OSBPL10: variants seen among roughly 807,000 people sequenced by gnomAD.
The protein encoded by OSBPL10 is oxysterol-binding protein-related protein 10.
A neutral mutation model predicts 81.7 loss-of-function variants in OSBPL10; 49 were observed. That is an observed-to-expected ratio of 0.60 (90% CI 0.48 to 0.76). The LOEUF (loss-of-function observed/expected upper bound fraction) is 0.76. OSBPL10 is among the 30% of genes least tolerant of loss of function. OSBPL10 has a pLI of 0.00. For missense variants in OSBPL10, 923 were observed against 987.8 expected, an observed-to-expected ratio of 0.93 and a Z score of 0.88; for synonymous variants, 419 against 383.6, an observed-to-expected ratio of 1.09 and a Z score of -1.08.
At position 32,062,012 on chromosome 3, in the gene OSBPL10, G is replaced by A. The variant is rs913607938; in HGVS notation, n.185+15384C>T. Among the ~76,000 whole-genome samples, 16 of 93,588 alleles carry A rather than the reference G, an allele frequency of 1.7e-4. 4 individuals are homozygous for A. Among genetic ancestry groups the A allele is most frequent in the African/African-American group, 4.4e-4 (16 of 36,278 alleles). 61.4% of individuals were successfully genotyped at this position (93,588 alleles called of 152,430 possible). On this transcript the variant is annotated intron_variant and non_coding_transcript_variant, in intron 1 of 3. Transcript: ENST00000479173. ...ATGGTTGGTTGAATATGCAGATGCAGTATCAACGGACATGGAGACCCAACT... is the reference window on the plus strand; with the variant it reads ...ATGGTTGGTTGAATATGCAGATGCAATATCAACGGACATGGAGACCCAACT...
chr3:31,800,277 A>G (rs1396508192), intron 4 of OSBPL10, among the ~76,000 whole-genome samples: 1 of 152,178 alleles, frequency 6.6e-6, no homozygotes, highest in African/African-American at 2.4e-5. Flanking sequence ...AAGTCAGTAA[A>G]TGAGCATGAT....
chr3:31,753,126 G>A (rs1279828155), intron 4 of OSBPL10, among the ~76,000 whole-genome samples: 2 of 151,676 alleles, frequency 1.3e-5, no homozygotes, highest in Non-Finnish European at 2.9e-5. Flanking sequence ...CTTGGTTAAC[G>A]TAGGCACTTT....
At chr3:31,872,038 G>A (rs1018319912) in intron 3 of OSBPL10, among the ~76,000 whole-genome samples, 7 of 152,146 alleles carry the variant, frequency 4.6e-5, no homozygotes, top group African/African-American at 1.7e-4. Context: ...ACTAAAGGCC[G>A]AATGTTTTCT....
chr3:32,044,157 A>C (rs1699601770), intron 2 of OSBPL10, among the ~76,000 whole-genome samples: 1 of 152,152 alleles, frequency 6.6e-6, no homozygotes, highest in African/African-American at 2.4e-5. Flanking sequence ...AAACCAAGCC[A>C]AGCTGTGGTC....
At chr3:31,815,031 G>T (rs1438000797) in intron 4 of OSBPL10, among the ~76,000 whole-genome samples, 4 of 151,504 alleles carry the variant, frequency 2.6e-5, no homozygotes, top group Non-Finnish European at 5.9e-5. Flanking sequence ...AGCAACTTCT[G>T]CTCTCTATCC....
intron 4 of OSBPL10, among the ~76,000 whole-genome samples, chr3:31,774,505 T>C (rs905444058): frequency 4.9e-5 from 5 of 101,642 alleles, no homozygotes; most frequent in Non-Finnish European, 7.6e-5. Flanking sequence ...GTTTTCTGTT[T>C]TTGTTTTTGT....
chr3:31,999,592 C>T (rs1291511471), intron 2 of OSBPL10, among the ~76,000 whole-genome samples: 3 of 152,036 alleles, frequency 2.0e-5, no homozygotes, highest in African/African-American at 7.2e-5. Context: ...AACTTCCTAC[C>T]TCAGGTGATC....
chr3:31,968,725 G>T (rs1698475528), intron 1 of OSBPL10, among the ~76,000 whole-genome samples: 1 of 152,194 alleles, frequency 6.6e-6, no homozygotes, highest in Admixed American at 6.5e-5. Flanking sequence ...AAGCAATCAT[G>T]TAAACTGATC....
intron 1 of OSBPL10, among the ~76,000 whole-genome samples, chr3:32,047,983 CAA>C (rs751885833): frequency 6.6e-6 from 1 of 151,982 alleles, no homozygotes; most frequent in African/African-American, 2.4e-5. Context: ...GTTTTATCAA[CAA>C]AGTCTTGTGA....
intron 1 of OSBPL10, among the ~76,000 whole-genome samples, chr3:32,074,683 T>C (rs934737493): frequency 6.6e-6 from 1 of 152,174 alleles, no homozygotes; most frequent in East Asian, 1.9e-4. Flanking sequence ...GTAGACACTA[T>C]GCACTTTCTC....
chr3:31,876,648 G>T, intron 2 of OSBPL10, 136 bp from the exon 3 acceptor site: 1 of 674,238 alleles, frequency 1.5e-6, no homozygotes. Context: ...AGCAAGCACA[G>T]ATCACAACGT....
At chr3:31,670,774 G>T in intron 9 of OSBPL10, 23 bp downstream of exon 9, 1 of 1,600,836 alleles carries the variant, frequency 6.2e-7, no homozygotes, top group Non-Finnish European at 8.5e-7. Flanking sequence ...GACAAAGCCA[G>T]AGTCTCTCCG....
intron 3 of OSBPL10, among the ~76,000 whole-genome samples, chr3:31,852,741 G>C (rs1276746990): frequency 1.3e-5 from 2 of 151,998 alleles, no homozygotes; most frequent in Non-Finnish European, 2.9e-5. Flanking sequence ...ACCATGCCTG[G>C]CTAATTTTTC....
intron 7 of OSBPL10, among the ~76,000 whole-genome samples, chr3:31,694,675 T>TA (rs1322652700): frequency 1.3e-5 from 2 of 152,216 alleles, no homozygotes; most frequent in East Asian, 1.9e-4. Context: ...CTTTGATTAG[T>TA]AACAACTTAA....
chr3:31,783,153 A>G (rs1320904039), intron 4 of OSBPL10, among the ~76,000 whole-genome samples: 1 of 145,406 alleles, frequency 6.9e-6, no homozygotes, highest in African/African-American at 2.6e-5. Context: ...ATATACACAC[A>G]CACCATAGAA....
At chr3:31,769,461 A>AAAAC (rs1559456947) in intron 4 of OSBPL10, among the ~76,000 whole-genome samples, 2 of 76,660 alleles carry the variant, frequency 2.6e-5, no homozygotes, top group East Asian at 7.2e-4. Context: ...AAAAAAAACA[A>AAAAC]AAAAAAAACA....
chr3:31,875,541 A>T (rs1294058250), intron 3 of OSBPL10, among the ~76,000 whole-genome samples: 1 of 131,916 alleles, frequency 7.6e-6, no homozygotes, highest in Non-Finnish European at 1.6e-5. Context: ...GTTAAGGAAA[A>T]GGGGATGTTT....
At chr3:31,754,578 C>T (rs1004571489) in intron 4 of OSBPL10, among the ~76,000 whole-genome samples, 7 of 152,076 alleles carry the variant, frequency 4.6e-5, no homozygotes, top group Admixed American at 2.0e-4. Context: ...GGTAAACAGG[C>T]GGCAGGATCT....
At chr3:31,824,882 C>G (rs758095229) in intron 4 of OSBPL10, among the ~76,000 whole-genome samples, 7 of 152,198 alleles carry the variant, frequency 4.6e-5, no homozygotes, top group Non-Finnish European at 1.0e-4. Context: ...TTCTTGTACG[C>G]TCAACTGTTT....
Sources: gnomAD v4.1 joint callset for allele counts (sites outside exome capture counted in the v4.1 genomes callset) on GRCh38, gnomAD v4.1.1 for gene constraint, MANE v1.5 for transcripts, NCBI Gene and HGNC (gene_info 2026-07-23, HGNC 2026-07-21) for gene names.